Variants in MYO1D observed in about 807,000 individuals in gnomAD.
MYO1D encodes the protein myosin ID, also known as unconventional myosin-Id.
In MYO1D, 83 loss-of-function variants were observed where a neutral mutation model predicts 122.0. The ratio of observed to expected loss-of-function variants is 0.68; its 90% CI spans 0.57 to 0.82. The LOEUF is 0.82. Among genes scored for constraint, MYO1D ranks in the 40% least tolerant of loss-of-function variants. The pLI, the probability that MYO1D is intolerant of heterozygous loss-of-function variation, is 0.00. For synonymous variants in MYO1D, 464 were observed against 446.9 expected, an observed-to-expected ratio of 1.04 and a Z score of -0.48; for missense variants, 1,157 against 1,269.5, an observed-to-expected ratio of 0.91 and a Z score of 1.35.
intron 19 of MYO1D, among the ~76,000 whole-genome samples, chr17:32,642,556 T>C (rs371690315): frequency 2.0e-5 from 3 of 152,204 alleles, no homozygotes; most frequent in Admixed American, 6.5e-5. Flanking sequence ...ATTCTTCCTA[T>C]CCATGAGCAT....
At chr17:32,599,223 T>C (rs1374996607) in intron 21 of MYO1D, among the ~76,000 whole-genome samples, 1 of 152,258 alleles carries the variant, frequency 6.6e-6, no homozygotes, top group East Asian at 1.9e-4. Context: ...ATATTTTAGA[T>C]GCTTTGTCAT....
At chr17:32,597,601 T>C (rs1207172324) in intron 21 of MYO1D, among the ~76,000 whole-genome samples, 1 of 152,116 alleles carries the variant, frequency 6.6e-6, no homozygotes, top group East Asian at 1.9e-4. Flanking sequence ...GTTTAACTTC[T>C]TGCCAGGTGC....
At chr17:32,600,248 G>T (rs2087547319) in intron 21 of MYO1D, among the ~76,000 whole-genome samples, 2 of 152,216 alleles carry the variant, frequency 1.3e-5, no homozygotes, top group Admixed American at 6.5e-5. Flanking sequence ...AGCACAGGCA[G>T]AGTAGATTTT....
At chr17:32,651,542 C>T (rs1597972522) in intron 19 of MYO1D, among the ~76,000 whole-genome samples, 1 of 152,150 alleles carries the variant, frequency 6.6e-6, no homozygotes, top group South Asian at 2.1e-4. Context: ...TGGCAAATTG[C>T]AGGGCTCATC....
At chr17:32,592,466 C>T (rs1317976922) in intron 21 of MYO1D, among the ~76,000 whole-genome samples, 1 of 152,058 alleles carries the variant, frequency 6.6e-6, no homozygotes, top group Admixed American at 6.6e-5. Context: ...TTGGATTTAT[C>T]CTTTATTTTA....
chr17:32,496,509 T>A (rs937903365), intron 21 of MYO1D, among the ~76,000 whole-genome samples: 1 of 152,202 alleles, frequency 6.6e-6, no homozygotes, highest in African/African-American at 2.4e-5. Flanking sequence ...CAGGCCCTCT[T>A]CTACTCTTGT....
intron 16 of MYO1D, among the ~76,000 whole-genome samples, chr17:32,687,189 T>C (rs1178910741): frequency 2.2e-5 from 3 of 137,250 alleles, no homozygotes; most frequent in Non-Finnish European, 3.1e-5. Context: ...CCAACATGCC[T>C]GGCTAATTTT....
chr17:32,749,047 T>C, intron 11 of MYO1D, 41 bp from the exon 12 acceptor site: 1 of 1,536,320 alleles, frequency 6.5e-7, no homozygotes, highest in Non-Finnish European at 9.0e-7. Flanking sequence ...AACAGACATT[T>C]TTGCTTTCCT....
chr17:32,600,344 CAA>C (rs973493286), intron 21 of MYO1D, among the ~76,000 whole-genome samples: 50 of 152,336 alleles, frequency 3.3e-4, no homozygotes, highest in African/African-American at 1.2e-3. Flanking sequence ...TAGCTCCTAA[CAA>C]AAGAGTCAGC....
Position 32,501,204 on chromosome 17 carries a change from G to GTGA in MYO1D, c.2865-6292_2865-6290dup, listed in dbSNP as rs1290552090. 4.6e-5 allele frequency among the ~76,000 whole-genome samples: 7 copies of GTGA among 152,180 alleles called. No individual in the cohort carries two copies. The East Asian group carries it at 5.8e-4, about 13-fold the overall frequency. ...GCAACAGCCTTGTGATGTGATGATG[G>GTGA]TGATGATGATGATGATATGATGAGG... On this transcript the variant is annotated intron_variant, in intron 21 of 21. Coordinates refer to ENST00000318217, the MANE Select transcript of MYO1D (RefSeq NM_015194.3).
chr17:32,639,641 A>T (rs995444802), intron 19 of MYO1D, among the ~76,000 whole-genome samples: 4 of 152,076 alleles, frequency 2.6e-5, no homozygotes, highest in Non-Finnish European at 5.9e-5. Context: ...GGCTCAAGTG[A>T]TCCTCCTGCC....
chr17:32,752,128 C>T (rs2089904891), intron 11 of MYO1D, among the ~76,000 whole-genome samples: 1 of 152,010 alleles, frequency 6.6e-6, no homozygotes, highest in African/African-American at 2.4e-5. Context: ...AAGCTGTATA[C>T]CTACAATCAA....
chr17:32,515,024 G>A (rs902103272), intron 21 of MYO1D, among the ~76,000 whole-genome samples: 18 of 152,230 alleles, frequency 1.2e-4, no homozygotes, highest in African/African-American at 3.9e-4. Context: ...TTTCTAGAGA[G>A]TTAAAGGAGA....
chr17:32,720,751 C>T (rs1001343874), intron 15 of MYO1D, among the ~76,000 whole-genome samples: 1 of 152,132 alleles, frequency 6.6e-6, no homozygotes, highest in Non-Finnish European at 1.5e-5. Flanking sequence ...CAGAATTCCA[C>T]CCACAATGTG....
At chr17:32,845,976 G>A (rs1678765297) in intron 1 of MYO1D, among the ~76,000 whole-genome samples, 2 of 152,132 alleles carry the variant, frequency 1.3e-5, no homozygotes, top group South Asian at 4.1e-4. Context: ...ATACAAAGAT[G>A]GCTAGGGTAG....
chr17:32,855,148 T>C (rs1026233567), intron 1 of MYO1D, among the ~76,000 whole-genome samples: 2 of 152,228 alleles, frequency 1.3e-5, no homozygotes, highest in African/African-American at 4.8e-5. Flanking sequence ...CTGATTTTTG[T>C]ACTGTTTCCT....
rs1185034823 is a variant in MYO1D at position 32,493,752 on chromosome 17, T to C, written c.*1007A>G. On this transcript the variant is annotated 3_prime_UTR_variant, in exon 22 of 22. Transcript: ENST00000318217. ...CGTGTAGAGGGCGGGGTGGGCATCC[T>C]GGCCTGGCCTGCAGTGCCAGGACCC... 1.3e-5 allele frequency: 2 copies of C among 152,144 alleles called. No homozygotes were observed. Among genetic ancestry groups the C allele is most frequent in the Admixed American group, 6.5e-5 (1 of 15,278 alleles). The allele number at this position is 152,144 out of a possible 1,614,324, so 9.4% of individuals were successfully genotyped here.
At chr17:32,625,449 G>A (rs1160297969) in intron 20 of MYO1D, among the ~76,000 whole-genome samples, 1 of 152,178 alleles carries the variant, frequency 6.6e-6, no homozygotes, top group Non-Finnish European at 1.5e-5. Context: ...TCCTGCCTGG[G>A]ATTCTTACAG....
intron 13 of MYO1D, among the ~76,000 whole-genome samples, chr17:32,741,818 C>G (rs1342704693): frequency 6.6e-6 from 1 of 151,940 alleles, no homozygotes. Flanking sequence ...TCGAGACCAT[C>G]CTGGCTAACA....
Sources: gnomAD v4.1 joint callset for allele counts (sites outside exome capture counted in the v4.1 genomes callset) on GRCh38, gnomAD v4.1.1 for gene constraint, MANE v1.5 for transcripts, NCBI Gene and HGNC (gene_info 2026-07-23, HGNC 2026-07-21) for gene names.